Variants in OPCML observed in about 807,000 individuals in gnomAD.
OPCML encodes opioid binding protein/cell adhesion molecule like, also known as opioid-binding protein/cell adhesion molecule.
OPCML carries 13 observed loss-of-function variants against 37.8 expected under a neutral mutation model. That is an observed-to-expected ratio of 0.34 (90% CI 0.22 to 0.55). OPCML has a LOEUF of 0.55. Among genes scored for constraint, OPCML ranks in the 20% least tolerant of loss-of-function variants. The pLI, the probability that OPCML is intolerant of heterozygous loss-of-function variation, is 0.91. For synonymous variants in OPCML, 176 were observed against 168.8 expected (o/e 1.04, Z -0.33); for missense variants, 341 against 435.6 (o/e 0.78, Z 1.93).
At chr11:133,135,398 C>A (rs1230703022) in intron 1 of OPCML, among the ~76,000 whole-genome samples, 1 of 151,254 alleles carries the variant, frequency 6.6e-6, no homozygotes, top group East Asian at 1.9e-4. Context: ...CTTTCCTGTG[C>A]AAGAGGTGGG....
chr11:132,873,185 C>T (rs971341052), intron 2 of OPCML, among the ~76,000 whole-genome samples: 1 of 152,192 alleles, frequency 6.6e-6, no homozygotes, highest in African/African-American at 2.4e-5. Flanking sequence ...TCTCCTCAGT[C>T]ATTTTCCAAG....
At chr11:132,766,989 A>C (rs2136111760) in intron 2 of OPCML, among the ~76,000 whole-genome samples, 1 of 152,352 alleles carries the variant, frequency 6.6e-6, no homozygotes, top group African/African-American at 2.4e-5. Flanking sequence ...AATGGTCAGA[A>C]AAATATTGAT....
chr11:132,880,003 A>G (rs929178765), intron 2 of OPCML, among the ~76,000 whole-genome samples: 29 of 152,156 alleles, frequency 1.9e-4, no homozygotes, highest in Non-Finnish European at 4.1e-4. Flanking sequence ...CCCCAGCCCC[A>G]GAGGTGTAAT....
In OPCML at chr11:133,485,897, GT is replaced by G. The variant is rs916857094; in HGVS notation, c.61+46366del. Among the ~76,000 whole-genome samples, 9 of 150,474 alleles carry G rather than the reference GT, an allele frequency of 6.0e-5. No homozygotes were observed. The East Asian group carries it at 7.8e-4, about 13-fold the overall frequency. On this transcript the variant is annotated intron_variant, in intron 1 of 7. Transcript: ENST00000524381. Reference sequence around the variant, plus strand: ...GTCTACTTAGTGCCATGTTTTTTCTGTTTTTTTTTCTTTTACTTTTTGTTGG... The same window carrying G: ...GTCTACTTAGTGCCATGTTTTTTCTGTTTTTTTTCTTTTACTTTTTGTTGG...
intron 1 of OPCML, among the ~76,000 whole-genome samples, chr11:132,997,473 T>G (rs1456833244): frequency 6.6e-6 from 1 of 152,220 alleles, no homozygotes; most frequent in African/African-American, 2.4e-5. Flanking sequence ...CGCTATTCTT[T>G]TCATCTGCAT....
chr11:133,443,084 C>T lies in OPCML; in HGVS notation c.61+89180G>A, dbSNP rs11821835. Reference sequence around the variant, plus strand: ...GTGATGAAATGAAAAACTGAACCCACAGAAAACGCAGACAATCTAAACAAG... The same window carrying T: ...GTGATGAAATGAAAAACTGAACCCATAGAAAACGCAGACAATCTAAACAAG... On this transcript the variant is annotated intron_variant, in intron 1 of 7. Coordinates refer to ENST00000524381, the MANE Select transcript of OPCML (RefSeq NM_001012393.5). Among the ~76,000 whole-genome samples, 1,059 of 152,216 alleles carry T rather than the reference C, an allele frequency of 7.0e-3. 14 individuals carry two copies. Among genetic ancestry groups the T allele is most frequent in the African/African-American group, 0.024 (1,009 of 41,534 alleles).
chr11:133,071,209 G>C (rs1424097096), intron 1 of OPCML, among the ~76,000 whole-genome samples: 1 of 152,240 alleles, frequency 6.6e-6, no homozygotes, highest in Non-Finnish European at 1.5e-5. Flanking sequence ...CAGTGAGATA[G>C]ATGTGGACAG....
At chr11:133,028,917 A>C (rs1333230887) in intron 1 of OPCML, among the ~76,000 whole-genome samples, 1 of 152,000 alleles carries the variant, frequency 6.6e-6, no homozygotes, top group Non-Finnish European at 1.5e-5. Flanking sequence ...AAGAACTATC[A>C]ACAGTAAACA....
chr11:132,995,746 C>T (rs1383036932), intron 1 of OPCML, among the ~76,000 whole-genome samples: 1 of 152,034 alleles, frequency 6.6e-6, no homozygotes, highest in Non-Finnish European at 1.5e-5. Flanking sequence ...GCTTAGGGAC[C>T]CTGAAGGGAA....
intron 1 of OPCML, among the ~76,000 whole-genome samples, chr11:133,396,948 T>C (rs758911681): frequency 3.3e-5 from 5 of 152,316 alleles, no homozygotes; most frequent in Middle Eastern, 6.8e-3. Flanking sequence ...TAGGATTGGT[T>C]TGGCCCCTAT....
chr11:132,978,447 C>T (rs1245649637), intron 1 of OPCML, among the ~76,000 whole-genome samples: 3 of 152,156 alleles, frequency 2.0e-5, no homozygotes, highest in Non-Finnish European at 4.4e-5. Context: ...AGCTGAATCT[C>T]ATCCAGCTGG....
intron 2 of OPCML, among the ~76,000 whole-genome samples, chr11:132,681,738 G>A (rs1426653536): frequency 6.6e-6 from 1 of 152,042 alleles, no homozygotes; most frequent in African/African-American, 2.4e-5. Flanking sequence ...GGCAGATCAC[G>A]AGGTCAGGAG....
At chr11:132,962,878 A>G (rs1271129216) in intron 1 of OPCML, among the ~76,000 whole-genome samples, 1 of 152,206 alleles carries the variant, frequency 6.6e-6, no homozygotes, top group Non-Finnish European at 1.5e-5. Context: ...AGCATCTCCA[A>G]CCTCAGAAGC....
At chr11:133,113,388 G>A (rs550764996) in intron 1 of OPCML, among the ~76,000 whole-genome samples, 1 of 152,292 alleles carries the variant, frequency 6.6e-6, no homozygotes, top group African/African-American at 2.4e-5. Context: ...AGCCCTGGGG[G>A]TTTTGAAACT....
chr11:132,522,947 T>C (rs2096297699), intron 4 of OPCML, among the ~76,000 whole-genome samples: 2 of 152,212 alleles, frequency 1.3e-5, no homozygotes, highest in African/African-American at 4.8e-5. Flanking sequence ...TCAGTACTTT[T>C]TTGTTTGAGA....
At chr11:133,224,986 C>T (rs536274025) in intron 1 of OPCML, among the ~76,000 whole-genome samples, 14 of 152,278 alleles carry the variant, frequency 9.2e-5, no homozygotes, top group Middle Eastern at 6.8e-3. Flanking sequence ...TGGAAATCAA[C>T]GCTTGCAGTC....
chr11:132,691,659 T>G (rs987664242), intron 2 of OPCML, among the ~76,000 whole-genome samples: 2 of 152,194 alleles, frequency 1.3e-5, no homozygotes, highest in Non-Finnish European at 2.9e-5. Context: ...CTCAAATTTT[T>G]TCATCCTGTT....
chr11:132,688,431 A>C (rs1466905362), intron 2 of OPCML, among the ~76,000 whole-genome samples: 1 of 152,148 alleles, frequency 6.6e-6, no homozygotes, highest in Non-Finnish European at 1.5e-5. Flanking sequence ...GAAATCAAAG[A>C]GCTTTCCTGG....
intron 2 of OPCML, among the ~76,000 whole-genome samples, chr11:132,704,609 G>T (rs923148064): frequency 6.6e-6 from 1 of 152,120 alleles, no homozygotes; most frequent in South Asian, 2.1e-4. Context: ...CAAGAAAAAA[G>T]AAATTTGTTT....
Sources: allele counts gnomAD v4.1 joint callset (sites outside exome capture counted in the v4.1 genomes callset), GRCh38; gene constraint gnomAD v4.1.1; transcripts MANE v1.5; gene names NCBI Gene and HGNC (gene_info 2026-07-23, HGNC 2026-07-21).